Variants in ZNF618 observed in about 807,000 individuals in gnomAD.
ZNF618 encodes zinc finger protein 618.
In ZNF618, 34 loss-of-function variants were observed where a neutral mutation model predicts 103.0. The observed-to-expected ratio is 0.33, with a 90% confidence interval of 0.25 to 0.44. The LOEUF (loss-of-function observed/expected upper bound fraction) is 0.44, where lower values mean the gene tolerates loss of function less well. ZNF618 is among the 20% of genes least tolerant of loss of function. ZNF618 has a pLI of 1.00. For missense variants in ZNF618, 1,059 were observed against 1,295.4 expected (o/e 0.82, Z 2.80); for synonymous variants, 551 against 542.2 (o/e 1.02, Z -0.23).
At chr9:114,048,123 CT>C in intron 14 of ZNF618, 129 bp downstream of exon 14, 1 of 813,640 alleles carries the variant, frequency 1.2e-6, no homozygotes, top group Non-Finnish European at 1.9e-6. Context: ...TTCCAAAGCA[CT>C]TTTACACCTA....
At chr9:114,039,340 GTTTT>G (rs968810244) in intron 13 of ZNF618, among the ~76,000 whole-genome samples, 1 of 104,746 alleles carries the variant, frequency 9.5e-6, no homozygotes, top group Non-Finnish European at 2.1e-5. Flanking sequence ...TTTCTTGTTT[GTTTT>G]TTTTTTTTTT....
intron 1 of ZNF618, among the ~76,000 whole-genome samples, chr9:113,931,488 A>G (rs1168380807): frequency 6.6e-6 from 1 of 152,182 alleles, no homozygotes; most frequent in Admixed American, 6.5e-5. Context: ...TTGCGACTCC[A>G]GATGGGCAGG....
chr9:113,956,387 G>A (rs148803394), intron 1 of ZNF618, among the ~76,000 whole-genome samples: 138 of 152,214 alleles, frequency 9.1e-4, no homozygotes, highest in African/African-American at 3.3e-3. Context: ...CATGGTCCCA[G>A]GCAGCCACTA....
In ZNF618 at chr9:114,056,095, G is replaced by A. The variant is rs1422008019; in HGVS notation, c.*5928G>A. ...CTCCAGGGAGTCACATTGCATGGGG[G>A]TTGAGTTGACGGTTCTTGTGATATG... On this transcript the variant is annotated 3_prime_UTR_variant, in exon 15 of 15. Transcript: ENST00000374126. The A allele has an allele frequency of 1.3e-5, 2 of 152,422 alleles. No individual in the cohort carries two copies. Among genetic ancestry groups the A allele is most frequent in the East Asian group, 3.9e-4 (2 of 5,194 alleles). The allele number at this position is 152,422 out of a possible 1,614,324, so 9.4% of individuals were successfully genotyped here.
intron 2 of ZNF618, among the ~76,000 whole-genome samples, chr9:113,973,058 T>C (rs530100775): frequency 5.3e-5 from 8 of 151,946 alleles, no homozygotes; most frequent in African/African-American, 1.4e-4. Flanking sequence ...GCCTGGACAA[T>C]AGAGTAAGAC....
chr9:113,943,116 C>T (rs568400861), intron 1 of ZNF618, among the ~76,000 whole-genome samples: 1 of 152,282 alleles, frequency 6.6e-6, no homozygotes, highest in Admixed American at 6.5e-5. Context: ...CTTCACTCCT[C>T]CTGGCGTGGT....
chr9:114,027,385 A>G (rs1843606394), intron 10 of ZNF618, among the ~76,000 whole-genome samples: 1 of 152,160 alleles, frequency 6.6e-6, no homozygotes, highest in Admixed American at 6.5e-5. Flanking sequence ...GTGGGGCATG[A>G]CTAAAGAACT....
chr9:113,877,649 TTG>T (rs147290113), intron 1 of ZNF618, among the ~76,000 whole-genome samples: 13 of 151,918 alleles, frequency 8.6e-5, no homozygotes, highest in East Asian at 7.7e-4. Flanking sequence ...TTGTTGGGTT[TTG>T]TGTGTGTGTG....
chr9:113,998,478 G>T, intron 4 of ZNF618, 124 bp downstream of exon 4: 1 of 819,388 alleles, frequency 1.2e-6, no homozygotes, highest in Admixed American at 2.3e-5. Context: ...GGTCAAGAGG[G>T]GCCACCTTCT....
At position 114,049,320 on chromosome 9, in the gene ZNF618, G is replaced by T; in HGVS notation, c.2018G>T (p.Gly673Val). The change falls in exon 15 of 15, where the codon GGC (glycine) becomes GTC (valine). Residue 673 changes from glycine to valine, a missense_variant. By Grantham distance (109) the Gly-to-Val change is moderately radical (BLOSUM62 -3). Coordinates refer to ENST00000374126, the MANE Select transcript of ZNF618 (RefSeq NM_001318042.2). Reference sequence around the variant, plus strand: ...CTCAACGTGTGCGAGGACCTGGCGGGCTCCACGGGCCTGGCCAAGGAGACC... The same window carrying T: ...CTCAACGTGTGCGAGGACCTGGCGGTCTCCACGGGCCTGGCCAAGGAGACC... ...ELLNVCEDLA[G>V]STGLAKETFG... The T allele has an allele frequency of 6.2e-7, 1 of 1,611,448 alleles. No homozygotes were observed. The highest frequency in any genetic ancestry group is 2.2e-5 in the East Asian group (1 of 44,856).
At chr9:113,901,000 C>G (rs57641815) in intron 1 of ZNF618, among the ~76,000 whole-genome samples, 1 of 50,432 alleles carries the variant, frequency 2.0e-5, no homozygotes. Flanking sequence ...AACCCGACCT[C>G]CTGTCTCCTA....
At chr9:113,894,673 C>T (rs912186957) in intron 1 of ZNF618, among the ~76,000 whole-genome samples, 2 of 152,110 alleles carry the variant, frequency 1.3e-5, no homozygotes, top group Non-Finnish European at 2.9e-5. Context: ...GTTTTGAGCA[C>T]TTATTTTTAA....
intron 1 of ZNF618, among the ~76,000 whole-genome samples, chr9:113,888,243 A>G (rs1459222292): frequency 2.0e-5 from 3 of 152,188 alleles, no homozygotes; most frequent in African/African-American, 4.8e-5. Context: ...TGTGGAGTCG[A>G]TGGATGGGCT....
At position 114,049,034 on chromosome 9, in the gene ZNF618, A is replaced by G. The variant is rs1845904387; in HGVS notation, c.1732A>G (p.Ser578Gly). The change falls in exon 15 of 15, where the codon AGC (serine) becomes GGC (glycine). Residue 578 changes from serine to glycine, a missense_variant. Transcript: ENST00000374126. ...CCAGGCCGAGGGCAACCACATCAAG[A>G]GCTATGTGCTTGGTGTGAAGGGTGC... is the stretch of plus-strand genomic sequence containing the variant. ...AYQAEGNHIK[S>G]YVLGVKGADI... 1.9e-6 allele frequency: 3 copies of G among 1,613,404 alleles called. No individual in the cohort carries two copies. In the East Asian group the frequency reaches 6.7e-5, roughly 36 times the overall value.
chr9:113,949,748 T>C (rs957311543), intron 1 of ZNF618, among the ~76,000 whole-genome samples: 3 of 152,248 alleles, frequency 2.0e-5, no homozygotes, highest in African/African-American at 7.2e-5. Flanking sequence ...TGTGTAAGTG[T>C]GTCACTGCCA....
intron 1 of ZNF618, among the ~76,000 whole-genome samples, chr9:113,935,913 TC>T (rs1833990972): frequency 6.6e-6 from 1 of 152,170 alleles, no homozygotes; most frequent in Admixed American, 6.5e-5. Flanking sequence ...AATGCGCTTA[TC>T]CCAGTGGGGA....
intron 1 of ZNF618, among the ~76,000 whole-genome samples, chr9:113,966,568 A>G (rs748972737): frequency 9.2e-5 from 14 of 152,236 alleles, no homozygotes; most frequent in Non-Finnish European, 1.8e-4. Context: ...CCTGGCGTGT[A>G]TGGAACTCCA....
At chr9:113,951,467 G>A (rs924514792) in intron 1 of ZNF618, among the ~76,000 whole-genome samples, 257 of 22,964 alleles carry the variant, frequency 0.011, 14 homozygotes, top group Non-Finnish European at 0.014. Flanking sequence ...ATACATATAT[G>A]TGTGTATGTG....
chr9:114,046,636 C>A (rs757493809), intron 13 of ZNF618, among the ~76,000 whole-genome samples: 1 of 152,132 alleles, frequency 6.6e-6, no homozygotes, highest in Non-Finnish European at 1.5e-5. Context: ...AGAAAGCTTT[C>A]AGTGTTTCAT....
Sources: gnomAD v4.1 joint callset for allele counts (sites outside exome capture counted in the v4.1 genomes callset) on GRCh38, gnomAD v4.1.1 for gene constraint, MANE v1.5 for transcripts, NCBI Gene and HGNC (gene_info 2026-07-23, HGNC 2026-07-21) for gene names.